The following PHLDB2 variants were observed in gnomAD, a reference collection of about 807,000 sequenced individuals.
The protein encoded by PHLDB2 is pleckstrin homology like domain family B member 2.
Under a neutral mutation model 123.6 loss-of-function variants are expected in PHLDB2, and 71 were observed. The observed-to-expected ratio is 0.57, with a 90% CI of 0.47 to 0.70. PHLDB2 has a LOEUF of 0.70. PHLDB2 is among the 30% of genes least tolerant of loss of function. PHLDB2 has a pLI of 0.00. For synonymous variants in PHLDB2, 547 were observed against 541.6 expected (o/e 1.01, Z -0.14); for missense variants, 1,446 against 1,519.5 (o/e 0.95, Z 0.80).
intron 1 of PHLDB2, among the ~76,000 whole-genome samples, chr3:111,817,390 C>T (rs543156343): frequency 2.6e-5 from 4 of 152,178 alleles, no homozygotes; most frequent in Admixed American, 6.5e-5. Flanking sequence ...GCATATAAGA[C>T]GTGAATGAGG....
chr3:111,766,423 G>A (rs1393064616), intron 1 of PHLDB2, among the ~76,000 whole-genome samples: 8 of 137,242 alleles, frequency 5.8e-5, no homozygotes, highest in East Asian at 2.2e-4. Context: ...CATCGTGGGC[G>A]ACAGAGTGAG....
upstream of PHLDB2, among the ~76,000 whole-genome samples, chr3:111,854,796 A>G (rs2064407992): frequency 6.6e-6 from 1 of 152,192 alleles, no homozygotes. Context: ...TTTAATAGAG[A>G]CTTATGAACA....
intron 1 of PHLDB2, among the ~76,000 whole-genome samples, chr3:111,751,963 G>A (rs1215153791): frequency 1.3e-5 from 2 of 152,150 alleles, no homozygotes; most frequent in African/African-American, 4.8e-5. Flanking sequence ...GATTGTGGTA[G>A]ATTTTGCTAA....
intron 1 of PHLDB2, among the ~76,000 whole-genome samples, chr3:111,751,847 A>T (rs1485480820): frequency 6.6e-6 from 1 of 152,004 alleles, no homozygotes; most frequent in Middle Eastern, 3.2e-3. Flanking sequence ...ATAATAATAA[A>T]AATTTTTTAA....
chr3:111,950,036 AT>A, intron 10 of PHLDB2: 1 of 400,194 alleles, frequency 2.5e-6, no homozygotes, highest in Non-Finnish European at 3.4e-6. Context: ...TCTTAAGAAC[AT>A]TTAGTGTGTT....
At chr3:111,808,194 G>C (rs1412465304) in intron 1 of PHLDB2, among the ~76,000 whole-genome samples, 1 of 152,110 alleles carries the variant, frequency 6.6e-6, no homozygotes, top group African/African-American at 2.4e-5. Context: ...CTGGGTCTTA[G>C]GGAATGTGTT....
intron 1 of PHLDB2, among the ~76,000 whole-genome samples, chr3:111,834,183 ATT>A (rs2063248569): frequency 9.3e-6 from 1 of 107,402 alleles, no homozygotes; most frequent in Admixed American, 1.1e-4. Context: ...AATTATATAT[ATT>A]ATATATGTAA....
At chr3:111,809,734 C>T (rs1214415323) in intron 1 of PHLDB2, among the ~76,000 whole-genome samples, 1 of 152,156 alleles carries the variant, frequency 6.6e-6, no homozygotes, top group Non-Finnish European at 1.5e-5. Context: ...AAATAACTTA[C>T]CTGAAGTAAG....
At chr3:111,889,135 A>G (rs574237185) in intron 2 of PHLDB2, among the ~76,000 whole-genome samples, 1 of 152,212 alleles carries the variant, frequency 6.6e-6, no homozygotes, top group African/African-American at 2.4e-5. Flanking sequence ...GTTTTTAGCA[A>G]ACTAATATAA....
At chr3:111,969,993 A>G in intron 16 of PHLDB2, 84 bp downstream of exon 16, 1 of 1,293,850 alleles carries the variant, frequency 7.7e-7, no homozygotes, top group Non-Finnish European at 1.1e-6. Flanking sequence ...TTCAGTGTAA[A>G]TAGGTAGGTT....
At chr3:111,960,969 C>T (rs1577202279) in intron 12 of PHLDB2, among the ~76,000 whole-genome samples, 1 of 152,154 alleles carries the variant, frequency 6.6e-6, no homozygotes, top group Non-Finnish European at 1.5e-5. Context: ...GATCAGAGAG[C>T]AAGCCATAGC....
chr3:111,904,129 T>C (rs1445536361), intron 2 of PHLDB2, among the ~76,000 whole-genome samples: 2 of 151,648 alleles, frequency 1.3e-5, no homozygotes, highest in Non-Finnish European at 2.9e-5. Context: ...AATACAAAAA[T>C]TAGTCAGGTG....
intron 16 of PHLDB2, among the ~76,000 whole-genome samples, chr3:111,972,836 T>C (rs779623087): frequency 2.6e-5 from 4 of 152,136 alleles, no homozygotes; most frequent in Non-Finnish European, 5.9e-5. Context: ...CATGTACATT[T>C]ATTTGCACAC....
At chr3:111,758,319 T>A (rs890053930) in intron 1 of PHLDB2, among the ~76,000 whole-genome samples, 1 of 152,108 alleles carries the variant, frequency 6.6e-6, no homozygotes, top group African/African-American at 2.4e-5. Flanking sequence ...TGGGTGCCCC[T>A]CCCCCAGCCT....
At chr3:111,914,151 C>T (rs2068036244) in intron 3 of PHLDB2, 1 of 153,486 alleles carries the variant, frequency 6.5e-6, no homozygotes, top group African/African-American at 2.4e-5. Flanking sequence ...ATAGCTCTAC[C>T]TCATTCTTTT....
intron 4 of PHLDB2, among the ~76,000 whole-genome samples, chr3:111,920,052 T>C (rs1157670671): frequency 6.6e-6 from 1 of 152,214 alleles, no homozygotes; most frequent in Admixed American, 6.5e-5. Context: ...GTAGAAAAGT[T>C]AAGTGATAAG....
intron 13 of PHLDB2, among the ~76,000 whole-genome samples, chr3:111,962,965 A>G (rs1231935051): frequency 1.3e-5 from 2 of 151,948 alleles, no homozygotes; most frequent in African/African-American, 4.8e-5. Context: ...AAAGAAAAAG[A>G]AAAGGAATGA....
chr3:111,932,006 G>A (rs2069175603), intron 5 of PHLDB2, among the ~76,000 whole-genome samples: 1 of 152,114 alleles, frequency 6.6e-6, no homozygotes, highest in Non-Finnish European at 1.5e-5. Context: ...TTGTAACATG[G>A]TGGCAGGAAG....
chr3:111,846,000 T>C lies in PHLDB2; in HGVS notation c.67+65T>C, dbSNP rs564922506. 7.2e-5 allele frequency: 109 copies of C among 1,507,334 alleles called. No individual in the cohort carries two copies. In the Middle Eastern group the frequency reaches 1.5e-3, roughly 21 times the overall value. 93.4% of individuals were successfully genotyped at this position (1,507,334 alleles called of 1,614,324 possible). A position where few individuals can be genotyped will look rare whatever the true frequency, so the allele number is the denominator to read the frequency against. On this transcript the variant is annotated intron_variant, in intron 2 of 17. Transcript: ENST00000393923. Reference sequence around the variant, plus strand: ...CAAGTTCTTACTCCATCATACATATTGGGAATGAGCTGGCATTTTCAAGCA... The same window carrying C: ...CAAGTTCTTACTCCATCATACATATCGGGAATGAGCTGGCATTTTCAAGCA...
Sources: allele counts gnomAD v4.1 joint callset (sites outside exome capture counted in the v4.1 genomes callset), GRCh38; gene constraint gnomAD v4.1.1; transcripts MANE v1.5; gene names NCBI Gene and HGNC (gene_info 2026-07-23, HGNC 2026-07-21).